The following MED10 variants were observed in gnomAD, a reference collection of about 807,000 sequenced individuals.
The protein encoded by MED10 is mediator of RNA polymerase II transcription subunit 10.
Under a neutral mutation model 17.2 loss-of-function variants are expected in MED10, and 9 were observed. The ratio of observed to expected loss-of-function variants is 0.52; its 90% CI spans 0.31 to 0.91. MED10 has a LOEUF of 0.91. Among genes scored for constraint, MED10 ranks in the 40% least tolerant of loss-of-function variants. The pLI is 0.04. For synonymous variants in MED10, 66 were observed against 59.8 expected (o/e 1.10, Z -0.48); for missense variants, 129 against 164.8 (o/e 0.78, Z 1.19).
intron 2 of MED10, among the ~76,000 whole-genome samples, chr5:6,376,143 G>A (rs1324618795): frequency 6.6e-6 from 1 of 152,164 alleles, no homozygotes; most frequent in East Asian, 1.9e-4. Flanking sequence ...CACAGGTAAG[G>A]AACATGGGGC....
At chr5:6,374,466 G>T in intron 2 of MED10, 40 bp from the exon 3 acceptor site, 1 of 1,359,548 alleles carries the variant, frequency 7.4e-7, no homozygotes, top group South Asian at 1.2e-5. Flanking sequence ...TCTCATGACT[G>T]ACACCTATTC....
chr5:6,374,188 C>A (rs1018058611), intron 3 of MED10, 136 bp downstream of exon 3: 5 of 639,322 alleles, frequency 7.8e-6, no homozygotes, highest in African/African-American at 1.8e-5. Context: ...GCCTATTACA[C>A]AATTCAGAAA....
intron 1 of MED10, 91 bp downstream of exon 1, chr5:6,378,271 T>A: frequency 7.0e-7 from 1 of 1,433,794 alleles, no homozygotes; most frequent in Non-Finnish European, 9.2e-7. Flanking sequence ...GCGGTCAGGC[T>A]CGGCTCGGGC....
rs779766077 is a variant in MED10, at chr5:6,372,530, G to A, written c.381C>T (p.Ile127=). The A allele has an allele frequency of 1.9e-6, 3 of 1,614,212 alleles. No individual in the cohort carries two copies. Among genetic ancestry groups the A allele is most frequent in the African/African-American group, 2.7e-5 (2 of 75,058 alleles). Residue 127 remains isoleucine (I), a synonymous_variant, in exon 4 of 4, where the codon ATC becomes ATT. Transcript: ENST00000255764. The part of the protein sequence containing the change: ...FPEDMAKYRS[I]RGEDHPPS ...AAGAAGGCGGGTGATCCTCCCCCCGGATGCTTCGATACTTAGCCATGTCTT... is the reference window on the plus strand; with the variant it reads ...AAGAAGGCGGGTGATCCTCCCCCCGAATGCTTCGATACTTAGCCATGTCTT...
chr5:6,376,881 A>C, intron 2 of MED10: 79 of 199,078 alleles, frequency 4.0e-4, no homozygotes, highest in Middle Eastern at 1.7e-3. Flanking sequence ...CCTATGATGT[A>C]TTTCATATAT....
In MED10 at chr5:6,372,514, G is replaced by A; in HGVS notation, c.397C>T (p.Pro133Ser). Residue 133 changes from proline to serine, a missense_variant, in exon 4 of 4, where the codon CCG becomes TCG. Transcript: ENST00000255764. ...KYRSIRGEDH[P>S]PS Reference sequence around the variant, plus strand: ...GGAGGGTGAGCTGGTTAAGAAGGCGGGTGATCCTCCCCCCGGATGCTTCGA... The same window carrying A: ...GGAGGGTGAGCTGGTTAAGAAGGCGAGTGATCCTCCCCCCGGATGCTTCGA... 1 of 1,614,110 alleles carries A rather than the reference G, an allele frequency of 6.2e-7. No homozygotes were observed. Among genetic ancestry groups the A allele is most frequent in the Non-Finnish European group, 8.5e-7 (1 of 1,179,968 alleles).
chr5:6,377,339 C>G (rs1376179687), intron 1 of MED10, 90 bp from the exon 2 acceptor site: 5 of 863,746 alleles, frequency 5.8e-6, no homozygotes, highest in Non-Finnish European at 9.1e-6. Context: ...ACCGGGGCTC[C>G]ACGCAAGTTC....
chr5:6,373,218 C>T (rs1737923256), intron 3 of MED10, among the ~76,000 whole-genome samples: 1 of 152,142 alleles, frequency 6.6e-6, no homozygotes, highest in African/African-American at 2.4e-5. Context: ...CTGACAGCTC[C>T]TCCCCTTGCT....
intron 2 of MED10, among the ~76,000 whole-genome samples, chr5:6,376,423 C>T (rs1042076324): frequency 2.6e-5 from 4 of 152,128 alleles, no homozygotes; most frequent in Admixed American, 6.5e-5. Flanking sequence ...AGTATGAGTC[C>T]GGGGGTTTCG....
intron 2 of MED10, chr5:6,376,918 T>A (rs1236157835): frequency 3.1e-6 from 1 of 323,494 alleles, no homozygotes; most frequent in Non-Finnish European, 5.6e-6. Flanking sequence ...TACATGTAAC[T>A]TTTTTTCCAC....
At chr5:6,374,069 C>T (rs574560929) in intron 3 of MED10, among the ~76,000 whole-genome samples, 18 of 152,328 alleles carry the variant, frequency 1.2e-4, no homozygotes, top group African/African-American at 3.8e-4. Flanking sequence ...TGAAAATGAT[C>T]ACAGCCAGTG....
rs1337226653 is a variant in MED10, at chr5:6,378,546, C to T, written c.-63G>A. Reference sequence around the variant, plus strand: ...GCAGCGCCGCAGGCGTGGCCCTACGCTCCCGCTTCCTGCTTCCGTCCGGAC... The same window carrying T: ...GCAGCGCCGCAGGCGTGGCCCTACGTTCCCGCTTCCTGCTTCCGTCCGGAC... On this transcript the variant is annotated 5_prime_UTR_variant, in exon 1 of 4. Transcript: ENST00000255764. 1 of 1,545,352 alleles carries T rather than the reference C, an allele frequency of 6.5e-7. No homozygotes were observed.
Position 6,372,437 on chromosome 5 carries a change from C to G in MED10, c.*66G>C. 1 of 1,370,402 alleles carries G rather than the reference C, an allele frequency of 7.3e-7. No homozygotes were observed. Among genetic ancestry groups the G allele is most frequent in the Non-Finnish European group, 1.0e-6 (1 of 959,778 alleles). The allele number at this position is 1,370,402 out of a possible 1,614,324, so 84.9% of individuals were successfully genotyped here. A position where few individuals can be genotyped will look rare whatever the true frequency, so the allele number is the denominator to read the frequency against. On this transcript the variant is annotated 3_prime_UTR_variant, in exon 4 of 4. Coordinates refer to ENST00000255764, the MANE Select transcript of MED10 (RefSeq NM_032286.3). Reference sequence around the variant, plus strand: ...CCTCAGCAGGAAGGTGGCGTCAGCACTCGCAGTCCCAGCCTCACGCCGCAT... The same window carrying G: ...CCTCAGCAGGAAGGTGGCGTCAGCAGTCGCAGTCCCAGCCTCACGCCGCAT...
At position 6,375,354 on chromosome 5, in the gene MED10, A is replaced by G. The variant is rs1270348920; in HGVS notation, c.207-928T>C. 4.6e-5 allele frequency among the ~76,000 whole-genome samples: 7 copies of G among 152,358 alleles called. No individual in the cohort carries two copies. The South Asian group carries it at 1.2e-3, about 27-fold the overall frequency. ...TTTATAATTGAGGCCAAAAATATAT[A>G]ATCACTTCAGAACAAGATATCATTA... On this transcript the variant is annotated intron_variant, in intron 2 of 3. Coordinates refer to ENST00000255764, the MANE Select transcript of MED10 (RefSeq NM_032286.3).
At chr5:6,377,282 T>G (rs1579254640) in intron 1 of MED10, 33 bp from the exon 2 acceptor site, 1 of 1,544,140 alleles carries the variant, frequency 6.5e-7, no homozygotes, top group East Asian at 2.3e-5. Flanking sequence ...GGCATCTGGT[T>G]AATTTCGCTT....
intron 2 of MED10, among the ~76,000 whole-genome samples, chr5:6,376,259 CT>C (rs1316295406): frequency 6.6e-6 from 1 of 152,110 alleles, no homozygotes; most frequent in Non-Finnish European, 1.5e-5. Flanking sequence ...TATCTCTGAC[CT>C]TTTGGGATGG....
At chr5:6,377,331 C>T (rs373839104) in intron 1 of MED10, 82 bp from the exon 2 acceptor site, 16 of 946,092 alleles carry the variant, frequency 1.7e-5, no homozygotes, top group Non-Finnish European at 1.9e-5. Context: ...CCCAGCCAAC[C>T]GGGGCTCCAC....
At chr5:6,372,677 A>G in intron 3 of MED10, 76 bp from the exon 4 acceptor site, 1 of 1,228,098 alleles carries the variant, frequency 8.1e-7, no homozygotes, top group Non-Finnish European at 1.2e-6. Flanking sequence ...GCCTTTTGGA[A>G]GTTTAAACAC....
At position 6,378,453 on chromosome 5, in the gene MED10, G is replaced by A. The variant is rs1469178780; in HGVS notation, c.31C>T (p.His11Tyr). The A allele has an allele frequency of 1.2e-6, 2 of 1,613,540 alleles. No homozygotes were observed. The highest frequency in any genetic ancestry group is 1.7e-5 in the Admixed American group (1 of 59,996). ...ATGTTCTCCACGAACTTCTCCAGGT[G>A]CTCCTCTAGGTGGTCAAACTTCTCC... MAEKFDHLEE[H>Y]LEKFVENIRQ... Residue 11 changes from histidine to tyrosine, a missense_variant, in exon 1 of 4, where the codon CAC (histidine) becomes TAC (tyrosine). His to Tyr is a moderately conservative substitution (Grantham distance 83, BLOSUM62 2). Around this residue, in one of 3 missense-constraint regions of MED10, gnomAD observed 23 missense variants for 17.7 expected, o/e 1.30. Coordinates refer to ENST00000255764, the MANE Select transcript of MED10 (RefSeq NM_032286.3).
Sources: allele counts gnomAD v4.1 joint callset (sites outside exome capture counted in the v4.1 genomes callset), GRCh38; gene constraint gnomAD v4.1.1; regional missense constraint gnomAD v4.1.1; transcripts MANE v1.5; gene names NCBI Gene and HGNC (gene_info 2026-07-23, HGNC 2026-07-21).